DENND2B: variants seen among roughly 807,000 people sequenced by gnomAD.
DENND2B encodes the protein DENN domain-containing protein 2B.
A neutral mutation model predicts 116.0 loss-of-function variants in DENND2B; 32 were observed. The ratio of observed to expected loss-of-function variants is 0.28; its 90% CI spans 0.21 to 0.37. The LOEUF (loss-of-function observed/expected upper bound fraction) is 0.37, where lower values mean the gene tolerates loss of function less well. Ranked by LOEUF, DENND2B falls within the 10% of genes least tolerant of loss-of-function variation. The pLI, the probability that DENND2B is intolerant of heterozygous loss-of-function variation, is 1.00. For synonymous variants in DENND2B, 588 were observed against 583.9 expected, an observed-to-expected ratio of 1.01 and a Z score of -0.10; for missense variants, 1,276 against 1,477.7, an observed-to-expected ratio of 0.86 and a Z score of 2.24.
intron 2 of DENND2B, chr11:8,857,546 C>T (rs1317142494): frequency 6.6e-6 from 1 of 152,236 alleles, no homozygotes; most frequent in Non-Finnish European, 1.5e-5. Flanking sequence ...CTGATTCAGC[C>T]TGGTCTGTCT....
chr11:8,836,874 C>A (rs988803430), intron 4 of DENND2B, among the ~76,000 whole-genome samples: 1 of 152,192 alleles, frequency 6.6e-6, no homozygotes, highest in Non-Finnish European at 1.5e-5. Context: ...CACCACCACA[C>A]CTGGCTAATT....
At chr11:8,716,793 G>A (rs1008965570) in intron 5 of DENND2B, among the ~76,000 whole-genome samples, 4 of 152,024 alleles carry the variant, frequency 2.6e-5, no homozygotes, top group Non-Finnish European at 5.9e-5. Flanking sequence ...GACTACAGGC[G>A]TGCGCCATCA....
chr11:8,801,621 G>T (rs1474315416), intron 1 of DENND2B, among the ~76,000 whole-genome samples: 2 of 150,260 alleles, frequency 1.3e-5, no homozygotes, highest in Admixed American at 6.7e-5. Context: ...AGGTTGCAGT[G>T]AGCCGAGATC....
chr11:8,769,990 G>A (rs1317604205), intron 1 of DENND2B, among the ~76,000 whole-genome samples: 1 of 151,892 alleles, frequency 6.6e-6, no homozygotes, highest in Non-Finnish European at 1.5e-5. Context: ...AGAAAGAAAG[G>A]GGCAAAAAAA....
At chr11:8,812,745 G>A (rs2061435710), upstream of DENND2B, among the ~76,000 whole-genome samples, 1 of 152,132 alleles carries the variant, frequency 6.6e-6, no homozygotes, top group Non-Finnish European at 1.5e-5. Context: ...ACTGAGCATC[G>A]GAAGAGATGC....
upstream of DENND2B, among the ~76,000 whole-genome samples, chr11:8,876,356 G>A (rs987347489): frequency 3.3e-5 from 5 of 152,014 alleles, no homozygotes; most frequent in African/African-American, 1.2e-4. Context: ...TAAGGAATAA[G>A]TAAACTGAAT....
At chr11:8,695,369 C>CT in intron 19 of DENND2B, 94 bp downstream of exon 19, 1 of 1,159,940 alleles carries the variant, frequency 8.6e-7, no homozygotes, top group Admixed American at 1.7e-5. Flanking sequence ...AGTATAACAC[C>CT]TGTTGACATT....
At chr11:8,847,258 C>T (rs575687855) in intron 3 of DENND2B, among the ~76,000 whole-genome samples, 4 of 152,190 alleles carry the variant, frequency 2.6e-5, no homozygotes, top group Non-Finnish European at 5.9e-5. Context: ...TCCCTTCAAG[C>T]TAATCTTAAC....
chr11:8,856,121 G>A (rs923374115), intron 3 of DENND2B, among the ~76,000 whole-genome samples: 10 of 152,182 alleles, frequency 6.6e-5, no homozygotes, highest in African/African-American at 1.4e-4. Flanking sequence ...GGCTAAAAGA[G>A]CTTAACATGA....
intron 4 of DENND2B, among the ~76,000 whole-genome samples, chr11:8,723,714 G>A (rs2046587154): frequency 6.6e-6 from 1 of 152,162 alleles, no homozygotes; most frequent in Non-Finnish European, 1.5e-5. Flanking sequence ...CCTAGCTCTT[G>A]ACCTCTGCTC....
upstream of DENND2B, among the ~76,000 whole-genome samples, chr11:8,815,342 G>A (rs1032558637): frequency 6.6e-6 from 1 of 152,134 alleles, no homozygotes; most frequent in Non-Finnish European, 1.5e-5. Context: ...GTGGAAAAAT[G>A]AAGGTCTAAG....
At position 8,712,062 on chromosome 11, in the gene DENND2B, AG is replaced by A. The variant is rs2043829190; in HGVS notation, c.2172+488del. ...CTGGCAGAGGCAATGGCAGAGAGAG[AG>A]GGGTTGAGTGTGAGAGGAAGAAGAG... On this transcript the variant is annotated intron_variant, in intron 9 of 19. Transcript: ENST00000313726. The surrounding 1 kb of genome is among the most constrained non-coding windows in gnomAD (Gnocchi z 4.4). The A allele has an allele frequency of 2.2e-6, 1 of 449,444 alleles. No individual in the cohort carries two copies. The highest frequency in any genetic ancestry group is 2.0e-5 in the African/African-American group (1 of 49,628). 27.8% of individuals were successfully genotyped at this position (449,444 alleles called of 1,614,324 possible).
Position 8,696,652 on chromosome 11 carries a change from T to C in DENND2B, c.3067A>G (p.Asn1023Asp). The C allele has an allele frequency of 6.2e-7, 1 of 1,614,154 alleles. No homozygotes were observed. The highest frequency in any genetic ancestry group is 8.5e-7 in the Non-Finnish European group (1 of 1,180,032). Residue 1023 changes from asparagine (N) to aspartate (D), a missense_variant, in exon 18 of 20, where the codon AAT becomes GAT. Asn to Asp is a conservative substitution (Grantham distance 23). Around this residue, in one of 2 missense-constraint regions of DENND2B, gnomAD observed 420 missense variants for 631.1 expected, o/e 0.67. Transcript: ENST00000313726. ...ATAAACACCTCCGACACCAGCCCAT[T>C]GAGGGTATTACATTCTGGAAGGGAA... The part of the protein sequence containing the change: ...SDSDDECNTL[N>D]GLVSEVFIRF...
intron 1 of DENND2B, among the ~76,000 whole-genome samples, chr11:8,754,563 A>G (rs2053270664): frequency 6.6e-6 from 1 of 152,180 alleles, no homozygotes; most frequent in South Asian, 2.1e-4. Flanking sequence ...AGGATGACCC[A>G]CTCCTAGGTA....
intron 1 of DENND2B, among the ~76,000 whole-genome samples, chr11:8,801,554 A>G (rs1248568859): frequency 6.6e-6 from 1 of 151,902 alleles, no homozygotes; most frequent in Non-Finnish European, 1.5e-5. Flanking sequence ...GCATGCACCT[A>G]TAATCTCAGC....
intron 5 of DENND2B, among the ~76,000 whole-genome samples, chr11:8,717,229 T>C (rs2045039654): frequency 6.6e-6 from 1 of 152,148 alleles, no homozygotes; most frequent in African/African-American, 2.4e-5. Context: ...ATGCTTACTC[T>C]CTCCCACAGG....
intron 1 of DENND2B, among the ~76,000 whole-genome samples, chr11:8,788,472 T>C (rs2059108898): frequency 6.6e-6 from 1 of 152,190 alleles, no homozygotes; most frequent in African/African-American, 2.4e-5. Flanking sequence ...TTTTCTCACC[T>C]TGTCTTCTTC....
intron 1 of DENND2B, among the ~76,000 whole-genome samples, chr11:8,780,934 G>A (rs989999422): frequency 1.3e-5 from 2 of 152,092 alleles, no homozygotes; most frequent in African/African-American, 4.8e-5. Flanking sequence ...TGGCTAAGAG[G>A]CTACACAGGC....
At chr11:8,718,212 G>A in intron 4 of DENND2B, 1 of 837,240 alleles carries the variant, frequency 1.2e-6, no homozygotes, top group East Asian at 2.7e-5. Flanking sequence ...CCAGCCAGAG[G>A]ACAAAGCCAG....
Sources: gnomAD v4.1 joint callset for allele counts (sites outside exome capture counted in the v4.1 genomes callset) on GRCh38, gnomAD v4.1.1 for gene constraint, gnomAD v4.1.1 regional missense constraint, Gnocchi (gnomAD v3.1) non-coding constraint, MANE v1.5 for transcripts, NCBI Gene and HGNC (gene_info 2026-07-23, HGNC 2026-07-21) for gene names.